Variants in ADAM19 observed in about 807,000 individuals in gnomAD.
ADAM19 encodes the protein disintegrin and metalloproteinase domain-containing protein 19.
ADAM19 carries 65 observed loss-of-function variants against 114.7 expected under a neutral mutation model. The observed-to-expected ratio is 0.57, with a 90% CI of 0.46 to 0.70. The LOEUF is 0.70. Ranked by LOEUF, ADAM19 falls within the 30% of genes least tolerant of loss-of-function variation. The pLI, the probability that ADAM19 is intolerant of heterozygous loss-of-function variation, is 0.00. For synonymous variants in ADAM19, 466 were observed against 460.5 expected (o/e 1.01, Z -0.15); for missense variants, 1,063 against 1,204.7 (o/e 0.88, Z 1.74).
chr5:157,527,597 A>T (rs1275684945), intron 5 of ADAM19, among the ~76,000 whole-genome samples: 1 of 152,200 alleles, frequency 6.6e-6, no homozygotes. Flanking sequence ...CCATGATTCA[A>T]TCACCTCCCA....
In ADAM19 at chr5:157,490,460, A is replaced by G. The variant is rs1287745303; in HGVS notation, c.2096-6T>C. 3.1e-6 allele frequency: 5 copies of G among 1,613,468 alleles called. No individual in the cohort carries two copies. The highest frequency in any genetic ancestry group is 4.2e-6 in the Non-Finnish European group (5 of 1,179,754). On this transcript the variant is annotated splice_polypyrimidine_tract_variant and splice_region_variant and intron_variant, in intron 18 of 22. Transcript: ENST00000257527. ...AGCTACCACAGGACCCACACCTTCCAGAAACAGAACCCAAGTGGGAGATTT... is the reference window on the plus strand; with the variant it reads ...AGCTACCACAGGACCCACACCTTCCGGAAACAGAACCCAAGTGGGAGATTT...
intron 5 of ADAM19, among the ~76,000 whole-genome samples, chr5:157,525,606 C>T (rs7725295): frequency 0.34 from 52,079 of 151,756 alleles, 9,528 homozygotes; most frequent in African/African-American, 0.46. Context: ...CAGGACTTAG[C>T]CACCTTTTGG....
chr5:157,482,891 T>C (rs1280386779), intron 21 of ADAM19, among the ~76,000 whole-genome samples: 2 of 152,088 alleles, frequency 1.3e-5, no homozygotes, highest in African/African-American at 4.8e-5. Flanking sequence ...AAAGGATGAG[T>C]TCATGTCCTT....
chr5:157,500,099 A>G (rs1281515779), intron 12 of ADAM19, among the ~76,000 whole-genome samples: 1 of 152,116 alleles, frequency 6.6e-6, no homozygotes. Context: ...TGACCTCAAA[A>G]ATCATGTGAC....
chr5:157,490,311 T>C lies in ADAM19; in HGVS notation c.2239A>G (p.Ser747Gly). ...GTCCTCCATTGAACCCTGTCATACCTGAACTGTTGCCTCAGCTTGGAAGGG... is the reference window on the plus strand; with the variant it reads ...GTCCTCCATTGAACCCTGTCATACCCGAACTGTTGCCTCAGCTTGGAAGGG... ...ALPSKLRQQF[S>G]CPFRVSQNSG... The change falls in exon 19 of 23, where the codon AGT becomes GGT. Residue 747 changes from serine to glycine, a missense_variant and splice_region_variant. By Grantham distance (56) the Ser-to-Gly change is moderately conservative. Around this residue, in one of 3 missense-constraint regions of ADAM19, gnomAD observed 424 missense variants for 445.5 expected, o/e 0.95. Transcript: ENST00000257527. 1 of 1,614,138 alleles carries C rather than the reference T, an allele frequency of 6.2e-7. No individual in the cohort carries two copies. The highest frequency in any genetic ancestry group is 8.5e-7 in the Non-Finnish European group (1 of 1,180,022).
chr5:157,488,981 G>A (rs1755054617), intron 20 of ADAM19, 121 bp downstream of exon 20: 3 of 730,994 alleles, frequency 4.1e-6, no homozygotes, highest in Admixed American at 2.3e-5. Context: ...AGTGAGCTGA[G>A]ATGGCGCCAC....
At position 157,570,891 on chromosome 5, in the gene ADAM19, T is replaced by C. The variant is rs1315373055; in HGVS notation, c.180+4A>G. The C allele has an allele frequency of 6.2e-7, 1 of 1,613,770 alleles. No homozygotes were observed. Among genetic ancestry groups the C allele is most frequent in the Non-Finnish European group, 8.5e-7 (1 of 1,179,802 alleles). ...CAGTGTAAATGAGGTCTTTTGAGTC[T>C]TACCTTTTCTCTCACGGGGCTTTCT... is the stretch of plus-strand genomic sequence containing the variant. On this transcript the variant is annotated splice_donor_region_variant and intron_variant, in intron 2 of 22. Transcript: ENST00000257527.
In ADAM19 at chr5:157,477,588, C is replaced by T. The variant is rs974226131; in HGVS notation, c.*3361G>A. 8.9e-5 allele frequency: 112 copies of T among 1,258,640 alleles called. No individual in the cohort carries two copies. The highest frequency in any genetic ancestry group is 6.0e-4 in the South Asian group (46 of 77,278). The allele number at this position is 1,258,640 out of a possible 1,614,324, so 78.0% of individuals were successfully genotyped here. ...CTTGGATTCTACAGAACCTCTCCTT[C>T]GCAGGCTCCCCTGGGGAAGGGGACC... On this transcript the variant is annotated 3_prime_UTR_variant, in exon 23 of 23. Transcript: ENST00000257527.
At chr5:157,497,623 G>C (rs1755408308) in intron 13 of ADAM19, among the ~76,000 whole-genome samples, 1 of 145,742 alleles carries the variant, frequency 6.9e-6, no homozygotes, top group Non-Finnish European at 1.5e-5. Context: ...CATAACATCT[G>C]TGAGTTTACA....
chr5:157,520,519 C>T (rs1756254322), intron 5 of ADAM19, among the ~76,000 whole-genome samples: 1 of 152,166 alleles, frequency 6.6e-6, no homozygotes. Context: ...AGAACAGTGG[C>T]CTGCAAGTGA....
At chr5:157,563,246 G>C (rs1450302686) in intron 3 of ADAM19, among the ~76,000 whole-genome samples, 2 of 152,178 alleles carry the variant, frequency 1.3e-5, no homozygotes, top group Admixed American at 6.5e-5. Context: ...AAATGACTGT[G>C]ATCCCCATCT....
chr5:157,519,034 G>T, intron 6 of ADAM19, 146 bp from the exon 7 acceptor site: 1 of 692,944 alleles, frequency 1.4e-6, no homozygotes, highest in Non-Finnish European at 2.5e-6. Context: ...TCTTGGCTGT[G>T]GTGGCCATCA....
In ADAM19 at chr5:157,494,677, T is replaced by C; in HGVS notation, c.1703+10A>G. The C allele has an allele frequency of 1.2e-6, 2 of 1,609,796 alleles. No homozygotes were observed. The highest frequency in any genetic ancestry group is 1.1e-5 in the South Asian group (1 of 90,930). On this transcript the variant is annotated intron_variant, in intron 15 of 22. Coordinates refer to ENST00000257527, the MANE Select transcript of ADAM19 (RefSeq NM_033274.5). ...TCCTCATTTCATGAGGCCTGCCCTTTGGTCATCACCTCATGTTGCACTTCC... is the reference window on the plus strand; with the variant it reads ...TCCTCATTTCATGAGGCCTGCCCTTCGGTCATCACCTCATGTTGCACTTCC...
chr5:157,494,888 T>C (rs1212137938), intron 14 of ADAM19, 93 bp from the exon 15 acceptor site: 2 of 1,001,062 alleles, frequency 2.0e-6, no homozygotes, highest in Non-Finnish European at 3.0e-6. Context: ...GGTAAGAATA[T>C]TTTCTGGGAG....
intron 13 of ADAM19, among the ~76,000 whole-genome samples, chr5:157,498,677 CATGT>C (rs1190327458): frequency 9.6e-6 from 1 of 103,902 alleles, no homozygotes; most frequent in Admixed American, 1.0e-4. Context: ...TATAATTACA[CATGT>C]GTGTATGTAT....
chr5:157,549,182 T>C (rs576328472), intron 3 of ADAM19, among the ~76,000 whole-genome samples: 24 of 152,324 alleles, frequency 1.6e-4, no homozygotes, highest in African/African-American at 4.6e-4. Flanking sequence ...ACTTCAAGTA[T>C]GTTTCCTAGA....
At chr5:157,519,035 G>T in intron 6 of ADAM19, 147 bp from the exon 7 acceptor site, 1 of 687,710 alleles carries the variant, frequency 1.5e-6, no homozygotes, top group Non-Finnish European at 2.5e-6. Context: ...CTTGGCTGTG[G>T]TGGCCATCAC....
In ADAM19 at chr5:157,551,190, A is replaced by AT. The variant is rs1243937154; in HGVS notation, c.251+13182_251+13183insA. ...GAAGCCGAGGCAGGCGAATCACCTG[A>AT]GGTCAGGAGTTGCAGACCAGCCTGG... On this transcript the variant is annotated intron_variant, in intron 3 of 22. Coordinates refer to ENST00000257527, the MANE Select transcript of ADAM19 (RefSeq NM_033274.5). Among the ~76,000 whole-genome samples the AT allele has an allele frequency of 4.6e-5, 7 of 152,200 alleles. No homozygotes were observed. In the East Asian group the frequency reaches 1.4e-3, roughly 29 times the overall value.
chr5:157,505,940 A>G, intron 10 of ADAM19, 132 bp from the exon 11 acceptor site: 1 of 1,003,754 alleles, frequency 1.0e-6, no homozygotes, highest in Non-Finnish European at 1.4e-6. Context: ...CAGACTCTCC[A>G]TATGTGCCTC....
Sources: allele counts gnomAD v4.1 joint callset (sites outside exome capture counted in the v4.1 genomes callset), GRCh38; gene constraint gnomAD v4.1.1; regional missense constraint gnomAD v4.1.1; transcripts MANE v1.5; gene names NCBI Gene and HGNC (gene_info 2026-07-23, HGNC 2026-07-21).